The following KRTAP3-2 variants were observed in gnomAD, a reference collection of about 807,000 sequenced individuals.
KRTAP3-2 encodes the protein keratin-associated protein 3-2.
In KRTAP3-2, 2 loss-of-function variants were observed where a neutral mutation model predicts 5.4. The observed-to-expected ratio is 0.37, with a 90% CI of 0.15 to 1.17. KRTAP3-2 has a LOEUF of 1.17. Among genes scored for constraint, KRTAP3-2 ranks in the 50% most tolerant of loss-of-function variants. The pLI is 0.37. For synonymous variants in KRTAP3-2, 49 were observed against 48.0 expected, an observed-to-expected ratio of 1.02 and a Z score of -0.08; for missense variants, 113 against 122.0, an observed-to-expected ratio of 0.93 and a Z score of 0.35.
chr17:40,999,497 A>G lies in KRTAP3-2; in HGVS notation c.*60T>C, dbSNP rs2011754023. The G allele has an allele frequency of 2.5e-6, 4 of 1,584,990 alleles. No homozygotes were observed. In the South Asian group the frequency reaches 4.7e-5, roughly 18 times the overall value. On this transcript the variant is annotated 3_prime_UTR_variant, in exon 1 of 1. Coordinates refer to ENST00000391587, the MANE Select transcript of KRTAP3-2 (RefSeq NM_031959.3). ...TCTGGCAAACTACTGAGGCAAGTGA[A>G]TACTGAAGGGACAGCTTCTGGATTC...
rs574468035 is a variant in KRTAP3-2, at chr17:40,999,708, T to C, written c.146A>G (p.Asp49Gly). 3.2e-5 allele frequency: 51 copies of C among 1,613,940 alleles called. No homozygotes were observed. Among genetic ancestry groups the C allele is most frequent in the Admixed American group, 6.7e-5 (4 of 59,998 alleles). The part of the protein sequence containing the change: ...TVWLLEPICC[D>G]NCPPPCHIPQ... ...AATGTGGCAGGGTGGGGGACAGTTG[T>C]CACAGCAGATGGGCTCCAGTAACCA... Residue 49 changes from aspartate (D) to glycine (G), a missense_variant, in exon 1 of 1, where the codon GAC becomes GGC. Physicochemically the swap from Asp to Gly is moderately conservative, Grantham distance 94 (BLOSUM62 -1). Transcript: ENST00000391587.
Position 40,999,422 on chromosome 17 carries a change from A to G in KRTAP3-2, c.*135T>C, listed in dbSNP as rs2011751168. 8 of 1,321,384 alleles carry G rather than the reference A, an allele frequency of 6.1e-6. No individual in the cohort carries two copies. The highest frequency in any genetic ancestry group is 8.2e-6 in the Non-Finnish European group (8 of 972,926). 81.9% of individuals were successfully genotyped at this position (1,321,384 alleles called of 1,614,324 possible). A position where few individuals can be genotyped will look rare whatever the true frequency, so the allele number is the denominator to read the frequency against. On this transcript the variant is annotated 3_prime_UTR_variant, in exon 1 of 1. Transcript: ENST00000391587. ...AATACTTTTCTTTTTTTCCCCCATT[A>G]AAACCAAAGGTAAGTTCTTCATATC...
chr17:40,999,627 C>A lies in KRTAP3-2; in HGVS notation c.227G>T (p.Gly76Val), dbSNP rs1227503137. ...FLLNSCQPTPGLETLNLTTFT... is the reference protein window; with the variant it reads ...FLLNSCQPTPVLETLNLTTFT... ...GGTGGTGAGGTTGAGGGTCTCCAGGCCCGGAGTTGGCTGGCAGGAGTTGAG... is the reference window on the plus strand; with the variant it reads ...GGTGGTGAGGTTGAGGGTCTCCAGGACCGGAGTTGGCTGGCAGGAGTTGAG... Residue 76 changes from glycine to valine, a missense_variant, in exon 1 of 1, where the codon GGC (glycine) becomes GTC (valine). Gly to Val is a moderately radical substitution (Grantham distance 109). Coordinates refer to ENST00000391587, the MANE Select transcript of KRTAP3-2 (RefSeq NM_031959.3). 6.2e-7 allele frequency: 1 copy of A among 1,613,716 alleles called. No homozygotes were observed. Among genetic ancestry groups the A allele is most frequent in the Admixed American group, 1.7e-5 (1 of 59,968 alleles).
Position 40,999,722 on chromosome 17 carries a change from C to A in KRTAP3-2, c.132G>T (p.Glu44Asp). ...GGGGACAGTTGTCACAGCAGATGGG[C>A]TCCAGTAACCAAACTGTGTGTGGGC... ...STCPHTVWLL[E>D]PICCDNCPPP... The change falls in exon 1 of 1, where the codon GAG becomes GAT. Residue 44 changes from glutamate (E) to aspartate (D), a missense_variant. Transcript: ENST00000391587. 1.2e-6 allele frequency: 2 copies of A among 1,614,008 alleles called. No homozygotes were observed. The highest frequency in any genetic ancestry group is 1.7e-6 in the Non-Finnish European group (2 of 1,180,024).
Position 40,999,810 on chromosome 17 carries a change from G to A in KRTAP3-2, c.44C>T (p.Pro15Leu). The A allele has an allele frequency of 6.2e-7, 1 of 1,614,160 alleles. No homozygotes were observed. The highest frequency in any genetic ancestry group is 8.5e-7 in the Non-Finnish European group (1 of 1,180,040). Residue 15 changes from proline (P) to leucine (L), a missense_variant, in exon 1 of 1, where the codon CCT becomes CTT. By Grantham distance (98) the Pro-to-Leu change is moderately conservative. Coordinates refer to ENST00000391587, the MANE Select transcript of KRTAP3-2 (RefSeq NM_031959.3). ...GTCGGAGGAGCAGATGGTGGTGGCA[G>A]GCCCAGTGGGGACACTGCAGCTGCG... ...ASRSCSVPTGPATTICSSDKS... is the reference protein window; with the variant it reads ...ASRSCSVPTGLATTICSSDKS...
Position 40,999,518 on chromosome 17 carries a change from G to T in KRTAP3-2, c.*39C>A. 6.2e-7 allele frequency: 1 copy of T among 1,603,046 alleles called. No individual in the cohort carries two copies. Among genetic ancestry groups the T allele is most frequent in the African/African-American group, 1.3e-5 (1 of 74,884 alleles). On this transcript the variant is annotated 3_prime_UTR_variant, in exon 1 of 1. Coordinates refer to ENST00000391587, the MANE Select transcript of KRTAP3-2 (RefSeq NM_031959.3). ...GTGAATACTGAAGGGACAGCTTCTGGATTCTTCGTTGTCGGGCACTGAGCA... is the reference window on the plus strand; with the variant it reads ...GTGAATACTGAAGGGACAGCTTCTGTATTCTTCGTTGTCGGGCACTGAGCA...
Position 40,999,623 on chromosome 17 carries a change from C to T in KRTAP3-2, c.231G>A (p.Leu77=), listed in dbSNP as rs762523030. 6.2e-7 allele frequency: 1 copy of T among 1,613,802 alleles called. No homozygotes were observed. The highest frequency in any genetic ancestry group is 1.1e-5 in the South Asian group (1 of 91,004). The stretch of plus-strand genomic sequence containing the variant: ...TGAAGGTGGTGAGGTTGAGGGTCTC[C>T]AGGCCCGGAGTTGGCTGGCAGGAGT... The part of the protein sequence containing the change: ...LLNSCQPTPG[L]ETLNLTTFTQ... The change falls in exon 1 of 1, where the codon CTG becomes CTA. Residue 77 remains leucine, a synonymous_variant. Coordinates refer to ENST00000391587, the MANE Select transcript of KRTAP3-2 (RefSeq NM_031959.3).
Position 40,999,690 on chromosome 17 carries a change from C to G in KRTAP3-2, c.164G>C (p.Cys55Ser), listed in dbSNP as rs141402870. ...PICCDNCPPPCHIPQPCVPTC... is the reference protein window; with the variant it reads ...PICCDNCPPPSHIPQPCVPTC... The stretch of plus-strand genomic sequence containing the variant: ...GGGCACGCAGGGCTGAGGAATGTGG[C>G]AGGGTGGGGGACAGTTGTCACAGCA... Residue 55 changes from cysteine to serine, a missense_variant, in exon 1 of 1, where the codon TGC (cysteine) becomes TCC (serine). By Grantham distance (112) the Cys-to-Ser change is moderately radical (BLOSUM62 -1). Transcript: ENST00000391587. 6.2e-7 allele frequency: 1 copy of G among 1,613,838 alleles called. No homozygotes were observed. Among genetic ancestry groups the G allele is most frequent in the Non-Finnish European group, 8.5e-7 (1 of 1,180,004 alleles).
rs1405812265 is a variant in KRTAP3-2 at position 40,999,201 on chromosome 17, G to A, written c.*356C>T. The stretch of plus-strand genomic sequence containing the variant: ...TAAACAAATGACACATCTTGCCAGA[G>A]AAATATAGTTTATTGGAAAACCCAC... On this transcript the variant is annotated 3_prime_UTR_variant, in exon 1 of 1. Coordinates refer to ENST00000391587, the MANE Select transcript of KRTAP3-2 (RefSeq NM_031959.3). 8.2e-6 allele frequency: 2 copies of A among 243,380 alleles called. No individual in the cohort carries two copies. The highest frequency in any genetic ancestry group is 7.8e-6 in the Non-Finnish European group (1 of 127,670). 15.1% of individuals were successfully genotyped at this position (243,380 alleles called of 1,614,324 possible).
rs756815264 is a variant in KRTAP3-2, at chr17:40,999,868, G to C, written c.-15C>G. ...CAGCAATCCATGGCAATGGGCGTCT[G>C]GTTAGCTTTCAGTTTCTTAGATGAG... is the stretch of plus-strand genomic sequence containing the variant. On this transcript the variant is annotated 5_prime_UTR_variant, in exon 1 of 1. Coordinates refer to ENST00000391587, the MANE Select transcript of KRTAP3-2 (RefSeq NM_031959.3). 88 of 1,613,246 alleles carry C rather than the reference G, an allele frequency of 5.5e-5. 1 individual carries two copies. The East Asian group carries it at 1.7e-3, about 31-fold the overall frequency.
In KRTAP3-2 at chr17:40,999,372, G is replaced by T. The variant is rs1410540203; in HGVS notation, c.*185C>A. 4.3e-6 allele frequency: 4 copies of T among 933,058 alleles called. No individual in the cohort carries two copies. Among genetic ancestry groups the T allele is most frequent in the Non-Finnish European group, 6.2e-6 (4 of 643,128 alleles). The allele number at this position is 933,058 out of a possible 1,614,324, so 57.8% of individuals were successfully genotyped here. On this transcript the variant is annotated 3_prime_UTR_variant, in exon 1 of 1. Transcript: ENST00000391587. ...TTCACCTGCCCACAGGAACCAAATGGTTTTTCAGCTAAATAACCATAAAAA... is the reference window on the plus strand; with the variant it reads ...TTCACCTGCCCACAGGAACCAAATGTTTTTTCAGCTAAATAACCATAAAAA...
chr17:40,999,869 G>C lies in KRTAP3-2; in HGVS notation c.-16C>G. 6.2e-7 allele frequency: 1 copy of C among 1,613,344 alleles called. No individual in the cohort carries two copies. Among genetic ancestry groups the C allele is most frequent in the African/African-American group, 1.3e-5 (1 of 75,016 alleles). ...AGCAATCCATGGCAATGGGCGTCTGGTTAGCTTTCAGTTTCTTAGATGAGG... is the reference window on the plus strand; with the variant it reads ...AGCAATCCATGGCAATGGGCGTCTGCTTAGCTTTCAGTTTCTTAGATGAGG... On this transcript the variant is annotated 5_prime_UTR_variant, in exon 1 of 1. Coordinates refer to ENST00000391587, the MANE Select transcript of KRTAP3-2 (RefSeq NM_031959.3).
Position 40,999,282 on chromosome 17 carries a change from A to G in KRTAP3-2, c.*275T>C, listed in dbSNP as rs2011748290. On this transcript the variant is annotated 3_prime_UTR_variant, in exon 1 of 1. Coordinates refer to ENST00000391587, the MANE Select transcript of KRTAP3-2 (RefSeq NM_031959.3). Reference sequence around the variant, plus strand: ...TACAAGAAACAAGAGCCAGGAAGCAATATGATCAAGAACATGTAATCTGAG... The same window carrying G: ...TACAAGAAACAAGAGCCAGGAAGCAGTATGATCAAGAACATGTAATCTGAG... The G allele has an allele frequency of 4.6e-6, 2 of 438,572 alleles. No homozygotes were observed. The highest frequency in any genetic ancestry group is 3.5e-5 in the East Asian group (1 of 28,346). The allele number at this position is 438,572 out of a possible 1,614,324, so 27.2% of individuals were successfully genotyped here. A position where few individuals can be genotyped will look rare whatever the true frequency, so the allele number is the denominator to read the frequency against.
chr17:40,999,479 A>C lies in KRTAP3-2; in HGVS notation c.*78T>G. 1 of 1,560,178 alleles carries C rather than the reference A, an allele frequency of 6.4e-7. No individual in the cohort carries two copies. The highest frequency in any genetic ancestry group is 8.7e-7 in the Non-Finnish European group (1 of 1,148,350). On this transcript the variant is annotated 3_prime_UTR_variant, in exon 1 of 1. Transcript: ENST00000391587. ...ATCTGGTCTACCTTAACATCTGGCA[A>C]ACTACTGAGGCAAGTGAATACTGAA...
In KRTAP3-2 at chr17:40,999,878, C is replaced by T; in HGVS notation, c.-25G>A. ...TGGCAATGGGCGTCTGGTTAGCTTTCAGTTTCTTAGATGAGGATTCTGAGG... is the reference window on the plus strand; with the variant it reads ...TGGCAATGGGCGTCTGGTTAGCTTTTAGTTTCTTAGATGAGGATTCTGAGG... On this transcript the variant is annotated 5_prime_UTR_variant, in exon 1 of 1. Coordinates refer to ENST00000391587, the MANE Select transcript of KRTAP3-2 (RefSeq NM_031959.3). 1 of 1,612,498 alleles carries T rather than the reference C, an allele frequency of 6.2e-7. No individual in the cohort carries two copies. Among genetic ancestry groups the T allele is most frequent in the Non-Finnish European group, 8.5e-7 (1 of 1,178,932 alleles).
chr17:40,999,439 C>T lies in KRTAP3-2; in HGVS notation c.*118G>A. 7.1e-7 allele frequency: 1 copy of T among 1,413,190 alleles called. No individual in the cohort carries two copies. Among genetic ancestry groups the T allele is most frequent in the Non-Finnish European group, 9.5e-7 (1 of 1,047,592 alleles). The allele number at this position is 1,413,190 out of a possible 1,614,324, so 87.5% of individuals were successfully genotyped here. On this transcript the variant is annotated 3_prime_UTR_variant, in exon 1 of 1. Transcript: ENST00000391587. ...CCCCCATTAAAACCAAAGGTAAGTT[C>T]TTCATATCTGGGTCATCTGGTCTAC...
chr17:40,999,751 T>G lies in KRTAP3-2; in HGVS notation c.103A>C (p.Thr35Pro), dbSNP rs771655535. Reference protein sequence around the residue: ...SCRCGVCLPSTCPHTVWLLEP... With the variant: ...SCRCGVCLPSPCPHTVWLLEP... ...AGTAACCAAACTGTGTGTGGGCAGG[T>G]GCTGGGCAGGCAGACTCCACAGCGG... The change falls in exon 1 of 1, where the codon ACC (threonine) becomes CCC (proline). Residue 35 changes from threonine (T) to proline (P), a missense_variant. By Grantham distance (38) the Thr-to-Pro change is conservative. Coordinates refer to ENST00000391587, the MANE Select transcript of KRTAP3-2 (RefSeq NM_031959.3). The G allele has an allele frequency of 2.5e-5, 40 of 1,613,826 alleles. No individual in the cohort carries two copies. The Middle Eastern group carries it at 6.6e-4, about 27-fold the overall frequency.
At position 40,999,847 on chromosome 17, in the gene KRTAP3-2, A is replaced by G. The variant is rs754084705; in HGVS notation, c.7T>C (p.Cys3Arg). ...ACACTGCAGCTGCGAGAGGCACAGC[A>G]ATCCATGGCAATGGGCGTCTGGTTA... MD[C>R]CASRSCSVPT... Residue 3 changes from cysteine to arginine, a missense_variant, in exon 1 of 1, where the codon TGC becomes CGC. Physicochemically the swap from Cys to Arg is radical, Grantham distance 180. Transcript: ENST00000391587. 2.5e-6 allele frequency: 4 copies of G among 1,614,066 alleles called. No homozygotes were observed. The South Asian group carries it at 4.4e-5, about 18-fold the overall frequency.
Position 40,999,534 on chromosome 17 carries a change from G to T in KRTAP3-2, c.*23C>A. 1.2e-6 allele frequency: 2 copies of T among 1,611,058 alleles called. No homozygotes were observed. The highest frequency in any genetic ancestry group is 1.7e-6 in the Non-Finnish European group (2 of 1,177,882). On this transcript the variant is annotated 3_prime_UTR_variant, in exon 1 of 1. Transcript: ENST00000391587. Reference sequence around the variant, plus strand: ...CAGCTTCTGGATTCTTCGTTGTCGGGCACTGAGCAAAGTAGCCATCCATCA... The same window carrying T: ...CAGCTTCTGGATTCTTCGTTGTCGGTCACTGAGCAAAGTAGCCATCCATCA...
Sources: gnomAD v4.1 joint callset for allele counts on GRCh38, gnomAD v4.1.1 for gene constraint, MANE v1.5 for transcripts, NCBI Gene and HGNC (gene_info 2026-07-23, HGNC 2026-07-21) for gene names.